Variants in LMX1A observed in about 807,000 individuals in gnomAD.
LMX1A encodes the protein LIM homeobox transcription factor 1-alpha.
Under a neutral mutation model 49.1 loss-of-function variants are expected in LMX1A, and 15 were observed. The observed-to-expected ratio is 0.31, with a 90% confidence interval of 0.20 to 0.47. The LOEUF (loss-of-function observed/expected upper bound fraction) is 0.47, where lower values mean the gene tolerates loss of function less well. Ranked by LOEUF, LMX1A falls within the 20% of genes least tolerant of loss-of-function variation. The probability of loss-of-function intolerance (pLI) is 1.00; values close to 1 mark genes in which losing one functional copy is unlikely to be tolerated. For synonymous variants in LMX1A, 167 were observed against 185.7 expected (o/e 0.90, Z 0.82); for missense variants, 372 against 475.8 (o/e 0.78, Z 2.03).
chr1:165,239,456 G>A (rs1055782604), intron 4 of LMX1A, among the ~76,000 whole-genome samples: 2 of 152,256 alleles, frequency 1.3e-5, no homozygotes, highest in Admixed American at 1.3e-4. Flanking sequence ...CCTGGCTCAA[G>A]TATCCTGTGT....
intron 5 of LMX1A, 52 bp downstream of exon 5, chr1:165,213,589 G>A (rs962494285): frequency 6.6e-7 from 1 of 1,526,210 alleles, no homozygotes; most frequent in Non-Finnish European, 9.0e-7. Context: ...GGGTCTGAGT[G>A]CACACAGAGA....
At chr1:165,212,183 T>C (rs541010953) in intron 5 of LMX1A, among the ~76,000 whole-genome samples, 51 of 152,342 alleles carry the variant, frequency 3.3e-4, no homozygotes, top group African/African-American at 1.2e-3. Context: ...TCAACAAATA[T>C]CTATCCTTCC....
chr1:165,236,659 G>C (rs992057587), intron 4 of LMX1A, among the ~76,000 whole-genome samples: 1 of 151,892 alleles, frequency 6.6e-6, no homozygotes, highest in African/African-American at 2.4e-5. Context: ...TCAGCACCAA[G>C]GCTCTGCAAC....
chr1:165,315,294 T>C (rs1003150364), intron 3 of LMX1A, among the ~76,000 whole-genome samples: 2 of 152,160 alleles, frequency 1.3e-5, no homozygotes, highest in Non-Finnish European at 2.9e-5. Flanking sequence ...CCAGCCACCT[T>C]CCTAAACTCC....
chr1:165,327,227 A>AC (rs1655613249), intron 3 of LMX1A, among the ~76,000 whole-genome samples: 1 of 152,302 alleles, frequency 6.6e-6, no homozygotes, highest in South Asian at 2.1e-4. Context: ...GTGGGAAAGG[A>AC]CCACAGAGGG....
rs373839196 is a variant in LMX1A at position 165,259,700 on chromosome 1, T to G, written c.264-10060A>C. On this transcript the variant is annotated intron_variant, in intron 3 of 8. Transcript: ENST00000342310. ...CTCAGACCACAAAGAAAGCTATGATTGCTGAGAGGATCAGACAGAGCCTGA... is the reference window on the plus strand; with the variant it reads ...CTCAGACCACAAAGAAAGCTATGATGGCTGAGAGGATCAGACAGAGCCTGA... Among the ~76,000 whole-genome samples the G allele has an allele frequency of 3.3e-5, 5 of 152,106 alleles. 1 individual carries two copies. In the East Asian group the frequency reaches 9.6e-4, roughly 29 times the overall value.
intron 3 of LMX1A, among the ~76,000 whole-genome samples, chr1:165,306,261 C>T (rs778680017): frequency 7.9e-5 from 12 of 152,208 alleles, no homozygotes; most frequent in Non-Finnish European, 1.2e-4. Context: ...TAGTCACTCT[C>T]CTGTTGCCCC....
chr1:165,267,814 G>A (rs34600291), intron 3 of LMX1A, among the ~76,000 whole-genome samples: 2 of 152,186 alleles, frequency 1.3e-5, no homozygotes, highest in African/African-American at 4.8e-5. Flanking sequence ...GTGGAATTCA[G>A]TACTGGGGAG....
intron 3 of LMX1A, among the ~76,000 whole-genome samples, chr1:165,319,108 G>A (rs56070666): frequency 0.23 from 34,239 of 151,180 alleles, 4,770 homozygotes; most frequent in Non-Finnish European, 0.32. Context: ...TAAACCTACA[G>A]CCAACATTAT....
At chr1:165,258,530 C>T (rs1309342481) in intron 3 of LMX1A, among the ~76,000 whole-genome samples, 1 of 152,132 alleles carries the variant, frequency 6.6e-6, no homozygotes, top group Non-Finnish European at 1.5e-5. Flanking sequence ...AAGTGGCTGG[C>T]AGAGCCAATC....
chr1:165,213,533 GC>G lies in LMX1A; in HGVS notation c.669+107del, dbSNP rs201759681. 5,181 of 1,028,514 alleles carry G rather than the reference GC, an allele frequency of 5.0e-3. 79 individuals are homozygous for G. The highest frequency in any genetic ancestry group is 0.048 in the African/African-American group (3,002 of 62,188). 63.7% of individuals were successfully genotyped at this position (1,028,514 alleles called of 1,614,324 possible). ...CGCCTGTGCAGGCTCTGTCTGAACA[GC>G]CTTCCTCACCACTGTGACCCCCAAT... On this transcript the variant is annotated intron_variant, in intron 5 of 8. Transcript: ENST00000342310.
chr1:165,235,393 C>A (rs143987308), intron 4 of LMX1A, among the ~76,000 whole-genome samples: 1 of 127,672 alleles, frequency 7.8e-6, no homozygotes, highest in African/African-American at 3.1e-5. Flanking sequence ...AGCGCTCACA[C>A]GTGCGCTCGC....
chr1:165,281,999 A>C (rs1042495860), intron 3 of LMX1A, among the ~76,000 whole-genome samples: 5 of 152,200 alleles, frequency 3.3e-5, no homozygotes, highest in African/African-American at 1.2e-4. Context: ...TTAGGAGCAC[A>C]GATACCTCAG....
chr1:165,291,879 C>T (rs569202825), intron 3 of LMX1A, among the ~76,000 whole-genome samples: 1 of 151,834 alleles, frequency 6.6e-6, no homozygotes, highest in South Asian at 2.1e-4. Flanking sequence ...CTGGCTAACA[C>T]GGTGAAACCC....
chr1:165,248,668 G>A (rs1226080271), intron 4 of LMX1A, among the ~76,000 whole-genome samples: 2 of 152,168 alleles, frequency 1.3e-5, no homozygotes, highest in African/African-American at 2.4e-5. Context: ...CTTTCTTTAT[G>A]TGACCTGCCA....
In LMX1A at chr1:165,355,550, C is replaced by A; in HGVS notation, c.10G>T (p.Gly4Cys). 1 of 1,613,768 alleles carries A rather than the reference C, an allele frequency of 6.2e-7. No homozygotes were observed. Among genetic ancestry groups the A allele is most frequent in the Non-Finnish European group, 8.5e-7 (1 of 1,179,928 alleles). The change falls in exon 2 of 9, where the codon GGC becomes TGC. Residue 4 changes from glycine to cysteine, a missense_variant. Coordinates refer to ENST00000342310, the MANE Select transcript of LMX1A (RefSeq NM_177398.4). The surrounding 1 kb of genome is among the most constrained non-coding windows in gnomAD (Gnocchi z 4.7). MLD[G>C]LKMEENFQSA... ...TGGAAGTTCTCCTCCATCTTTAGGCCGTCCAGCATGTTCGGGCCGGGCCGG... is the reference window on the plus strand; with the variant it reads ...TGGAAGTTCTCCTCCATCTTTAGGCAGTCCAGCATGTTCGGGCCGGGCCGG...
intron 3 of LMX1A, among the ~76,000 whole-genome samples, chr1:165,317,885 G>A (rs979157746): frequency 1.3e-5 from 2 of 152,214 alleles, no homozygotes; most frequent in African/African-American, 4.8e-5. Context: ...AATTCAGGAA[G>A]CAATTAATAG....
rs570050533 is a variant in LMX1A, at chr1:165,298,131, T to G, written c.264-48491A>C. ...TGTGCCAGAGGGGCATCTCCTTGGG[T>G]GCAAGTACCCAAGCTCAGGGCTGAT... On this transcript the variant is annotated intron_variant, in intron 3 of 8. Transcript: ENST00000342310. 4.6e-5 allele frequency among the ~76,000 whole-genome samples: 7 copies of G among 152,268 alleles called. No homozygotes were observed. The East Asian group carries it at 1.4e-3, about 29-fold the overall frequency.
intron 4 of LMX1A, among the ~76,000 whole-genome samples, chr1:165,229,378 C>T (rs921773020): frequency 3.3e-5 from 5 of 151,976 alleles, no homozygotes; most frequent in African/African-American, 1.2e-4. Context: ...CTATAGATGG[C>T]CCCCCCGTCA....
Sources: allele counts gnomAD v4.1 joint callset (sites outside exome capture counted in the v4.1 genomes callset), GRCh38; gene constraint gnomAD v4.1.1; non-coding constraint Gnocchi (gnomAD v3.1); transcripts MANE v1.5; gene names NCBI Gene and HGNC (gene_info 2026-07-23, HGNC 2026-07-21).